GPR39: variants seen among roughly 807,000 people sequenced by gnomAD.
The protein encoded by GPR39 is G protein-coupled receptor 39.
A neutral mutation model predicts 18.4 loss-of-function variants in GPR39; 23 were observed. The ratio of observed to expected loss-of-function variants is 1.25; its 90% CI spans 0.90 to 1.77. The LOEUF (loss-of-function observed/expected upper bound fraction) is 1.77, where lower values mean the gene tolerates loss of function less well. Ranked by LOEUF, GPR39 falls within the 40% of genes most tolerant of loss-of-function variation. The probability of loss-of-function intolerance (pLI) is 0.00; values close to 1 mark genes in which losing one functional copy is unlikely to be tolerated. For synonymous variants in GPR39, 280 were observed against 257.9 expected, an observed-to-expected ratio of 1.09 and a Z score of -0.82; for missense variants, 647 against 602.4, an observed-to-expected ratio of 1.07 and a Z score of -0.78.
At chr2:132,629,052 G>A (rs1230955983) in intron 1 of GPR39, among the ~76,000 whole-genome samples, 1 of 152,164 alleles carries the variant, frequency 6.6e-6, no homozygotes, top group Non-Finnish European at 1.5e-5. Flanking sequence ...CAGAGGAGAG[G>A]ATACTTGAGC....
chr2:132,453,873 G>T (rs2104772499), intron 1 of GPR39, among the ~76,000 whole-genome samples: 1 of 152,250 alleles, frequency 6.6e-6, no homozygotes, highest in East Asian at 1.9e-4. Context: ...ATGCTGTTTT[G>T]GTTACTGTAG....
intron 1 of GPR39, among the ~76,000 whole-genome samples, chr2:132,567,356 A>G (rs1387632203): frequency 6.6e-6 from 1 of 152,184 alleles, no homozygotes; most frequent in Non-Finnish European, 1.5e-5. Context: ...TGATTGAGTC[A>G]TGAAGGCTCT....
chr2:132,586,615 A>G (rs1466514405), intron 1 of GPR39, among the ~76,000 whole-genome samples: 2 of 152,246 alleles, frequency 1.3e-5, no homozygotes, highest in African/African-American at 2.4e-5. Context: ...TATCCACAGC[A>G]GAGCTGCTGA....
intron 1 of GPR39, among the ~76,000 whole-genome samples, chr2:132,478,964 A>C (rs1287735146): frequency 6.6e-6 from 1 of 151,704 alleles, no homozygotes; most frequent in Non-Finnish European, 1.5e-5. Flanking sequence ...TTGGAAGTTC[A>C]ATAATGTGTT....
chr2:132,424,103 C>T (rs147077287), intron 1 of GPR39, among the ~76,000 whole-genome samples: 2 of 152,246 alleles, frequency 1.3e-5, no homozygotes, highest in Non-Finnish European at 2.9e-5. Flanking sequence ...AGCAAATGAA[C>T]ACTATGTGCT....
intron 1 of GPR39, among the ~76,000 whole-genome samples, chr2:132,595,180 G>C (rs527976224): frequency 6.6e-6 from 1 of 152,098 alleles, no homozygotes; most frequent in Non-Finnish European, 1.5e-5. Flanking sequence ...TATATTTTTA[G>C]TAGAGATGGG....
chr2:132,644,859 T>A, intron 1 of GPR39: 2 of 554,858 alleles, frequency 3.6e-6, no homozygotes, highest in South Asian at 4.7e-5. Context: ...AAATACACTG[T>A]CTAAAGCATT....
chr2:132,547,879 G>A (rs1679976881), intron 1 of GPR39, among the ~76,000 whole-genome samples: 1 of 152,146 alleles, frequency 6.6e-6, no homozygotes, highest in South Asian at 2.1e-4. Flanking sequence ...TAGGAATGTG[G>A]CCCATAATAT....
Position 132,645,206 on chromosome 2 carries a change from C to A in GPR39, c.962C>A (p.Ala321Glu), listed in dbSNP as rs1217617986. 6 of 1,614,024 alleles carry A rather than the reference C, an allele frequency of 3.7e-6. No individual in the cohort carries two copies. The highest frequency in any genetic ancestry group is 1.7e-5 in the Admixed American group (1 of 59,992). ...GACTGGACGAGGTCCTACTTCCGGG[C>A]GTACATGATCCTCCTCCCCTTCTCG... ...KHDWTRSYFR[A>E]YMILLPFSET... is the part of the protein sequence containing the mutation. The change falls in exon 2 of 2, where the codon GCG becomes GAG. Residue 321 changes from alanine to glutamate, a missense_variant. Ala to Glu is a moderately radical substitution (Grantham distance 107). This residue lies in a region of GPR39 where 581 missense variants were observed against 506.8 expected (regional missense o/e 1.15). Transcript: ENST00000329321.
chr2:132,591,271 A>G (rs1171423329), intron 1 of GPR39, among the ~76,000 whole-genome samples: 1 of 122,740 alleles, frequency 8.1e-6, no homozygotes, highest in South Asian at 2.6e-4. Flanking sequence ...AAAAAAAAAA[A>G]AAAAAACAAA....
chr2:132,642,243 C>A (rs1208885038), intron 1 of GPR39, among the ~76,000 whole-genome samples: 1 of 152,194 alleles, frequency 6.6e-6, no homozygotes, highest in Non-Finnish European at 1.5e-5. Flanking sequence ...CAAGTTTGTT[C>A]TTGCTATTAT....
intron 1 of GPR39, among the ~76,000 whole-genome samples, chr2:132,574,128 A>G (rs977261277): frequency 3.3e-5 from 5 of 152,208 alleles, no homozygotes; most frequent in Admixed American, 6.5e-5. Flanking sequence ...GCTGTATTTA[A>G]ACATTTCTCA....
chr2:132,453,179 G>A (rs1336495349), intron 1 of GPR39, among the ~76,000 whole-genome samples: 1 of 152,146 alleles, frequency 6.6e-6, no homozygotes, highest in Non-Finnish European at 1.5e-5. Context: ...CATTCTAACT[G>A]ATGTGAGATG....
intron 1 of GPR39, among the ~76,000 whole-genome samples, chr2:132,560,448 C>T (rs1299558774): frequency 6.6e-6 from 1 of 152,206 alleles, no homozygotes; most frequent in Non-Finnish European, 1.5e-5. Flanking sequence ...GAAGAACAAA[C>T]TCACACTTGT....
At chr2:132,637,250 T>C (rs1465821367) in intron 1 of GPR39, among the ~76,000 whole-genome samples, 3 of 152,230 alleles carry the variant, frequency 2.0e-5, no homozygotes, top group Non-Finnish European at 4.4e-5. Flanking sequence ...TATGTGTTTG[T>C]TATGGTAGTG....
At chr2:132,530,186 GC>G (rs1276562803) in intron 1 of GPR39, among the ~76,000 whole-genome samples, 1 of 152,162 alleles carries the variant, frequency 6.6e-6, no homozygotes, top group Non-Finnish European at 1.5e-5. Flanking sequence ...GAAAACCATG[GC>G]ACAAGAACGA....
intron 1 of GPR39, among the ~76,000 whole-genome samples, chr2:132,465,787 A>G (rs1350457399): frequency 1.3e-5 from 2 of 152,206 alleles, no homozygotes; most frequent in Non-Finnish European, 2.9e-5. Flanking sequence ...GACCTCAGGA[A>G]GGTTAATTAA....
chr2:132,433,163 T>A (rs1680252685), intron 1 of GPR39, among the ~76,000 whole-genome samples: 1 of 152,198 alleles, frequency 6.6e-6, no homozygotes, highest in African/African-American at 2.4e-5. Flanking sequence ...TATCATAAAA[T>A]ATACACAAAT....
chr2:132,464,443 A>G (rs544398433), intron 1 of GPR39, among the ~76,000 whole-genome samples: 90 of 152,266 alleles, frequency 5.9e-4, no homozygotes, highest in African/African-American at 2.0e-3. Flanking sequence ...TATTTGTACA[A>G]ACAACCTAGT....
Sources: allele counts gnomAD v4.1 joint callset (sites outside exome capture counted in the v4.1 genomes callset), GRCh38; gene constraint gnomAD v4.1.1; regional missense constraint gnomAD v4.1.1; transcripts MANE v1.5; gene names NCBI Gene and HGNC (gene_info 2026-07-23, HGNC 2026-07-21).